USH2A: variants seen among roughly 807,000 people sequenced by gnomAD.
USH2A encodes the protein usherin, also known as Usher syndrome 2A (autosomal recessive, mild).
In USH2A, 443 loss-of-function variants were observed where a neutral mutation model predicts 538.9. The observed-to-expected ratio is 0.82, with a 90% CI of 0.76 to 0.89. The LOEUF (loss-of-function observed/expected upper bound fraction) is 0.89. Among genes scored for constraint, USH2A ranks in the 40% least tolerant of loss-of-function variants. The pLI, the probability that USH2A is intolerant of heterozygous loss-of-function variation, is 0.00. For synonymous variants in USH2A, 2,413 were observed against 2,273.5 expected (o/e 1.06, Z -1.75); for missense variants, 6,633 against 6,324.8 (o/e 1.05, Z -1.65).
intron 21 of USH2A, among the ~76,000 whole-genome samples, chr1:216,125,834 G>T (rs2033240715): frequency 6.6e-6 from 1 of 152,096 alleles, no homozygotes; most frequent in African/African-American, 2.4e-5. Context: ...CAAATAAGGG[G>T]AAGGACTAGT....
Position 216,200,070 on chromosome 1 carries a change from T to C in USH2A, c.3368A>G (p.Tyr1123Cys), listed in dbSNP as rs775177930. 1.1e-5 allele frequency: 17 copies of C among 1,613,334 alleles called. No individual in the cohort carries two copies. The highest frequency in any genetic ancestry group is 3.3e-5 in the Admixed American group (2 of 59,934). ...TDLLPYTKYS[Y>C]YIETTNVHGS... is the part of the protein sequence containing the mutation. Reference sequence around the variant, plus strand: ...ATGCACATTGGTGGTCTCAATGTAATAGGAATATTTGGTATATGGTAACAG... The same window carrying C: ...ATGCACATTGGTGGTCTCAATGTAACAGGAATATTTGGTATATGGTAACAG... The change falls in exon 17 of 72, where the codon TAT (tyrosine) becomes TGT (cysteine). Residue 1123 changes from tyrosine to cysteine, a missense_variant. Physicochemically the swap from Tyr to Cys is radical, Grantham distance 194. Coordinates refer to ENST00000307340, the MANE Select transcript of USH2A (RefSeq NM_206933.4).
Position 216,225,673 on chromosome 1 carries a change from A to G in USH2A, c.2993+6280T>C, listed in dbSNP as rs967781762. 3.3e-5 allele frequency among the ~76,000 whole-genome samples: 5 copies of G among 152,312 alleles called. No individual in the cohort carries two copies. In the South Asian group the frequency reaches 8.3e-4, roughly 25 times the overall value. ...AACAGAGCCAATTCTGCCAAACCTG[A>G]GAAGAATCTAAGCCCCACTCAAACT... On this transcript the variant is annotated intron_variant, in intron 14 of 71. Coordinates refer to ENST00000307340, the MANE Select transcript of USH2A (RefSeq NM_206933.4).
chr1:215,864,226 T>C (rs2102437902), intron 44 of USH2A, among the ~76,000 whole-genome samples: 1 of 152,326 alleles, frequency 6.6e-6, no homozygotes, highest in South Asian at 2.1e-4. Context: ...GAAAATTTGA[T>C]GCCTGAGTCC....
intron 64 of USH2A, among the ~76,000 whole-genome samples, chr1:215,660,892 C>A (rs930253377): frequency 6.6e-6 from 1 of 152,190 alleles, no homozygotes; most frequent in Non-Finnish European, 1.5e-5. Flanking sequence ...TACAAATTAC[C>A]ATTTAAGGCA....
chr1:216,203,736 G>A (rs2035049796), intron 16 of USH2A, among the ~76,000 whole-genome samples: 1 of 152,136 alleles, frequency 6.6e-6, no homozygotes, highest in Non-Finnish European at 1.5e-5. Flanking sequence ...ATGAATAAGG[G>A]TAGAAATGAA....
chr1:215,774,891 C>A (rs1243569503), intron 55 of USH2A, among the ~76,000 whole-genome samples: 2 of 151,498 alleles, frequency 1.3e-5, no homozygotes, highest in Non-Finnish European at 1.5e-5. Context: ...GTGGTTGATG[C>A]CACACTTTTT....
intron 47 of USH2A, among the ~76,000 whole-genome samples, chr1:215,826,831 C>G (rs942690326): frequency 2.0e-5 from 3 of 151,976 alleles, no homozygotes; most frequent in Non-Finnish European, 4.4e-5. Flanking sequence ...AAACATGAAC[C>G]AGGGTGGTAG....
intron 21 of USH2A, among the ~76,000 whole-genome samples, chr1:216,117,590 A>C (rs2033037599): frequency 6.6e-6 from 1 of 152,138 alleles, no homozygotes; most frequent in South Asian, 2.1e-4. Context: ...ATTCAATAGA[A>C]GTAAAAACTG....
rs999463372 is a variant in USH2A, at chr1:215,990,685, G to T, written c.6805+2335C>A. Among the ~76,000 whole-genome samples the T allele has an allele frequency of 6.6e-5, 10 of 151,762 alleles. 1 individual carries two copies. The highest frequency in any genetic ancestry group is 1.9e-4 in the East Asian group (1 of 5,160). On this transcript the variant is annotated intron_variant, in intron 35 of 71. Transcript: ENST00000307340. ...GATTTCATGGAATAAGAGGCCTACG[G>T]TTAGCCTAGAAGAATGAGTTGTATT... is the stretch of plus-strand genomic sequence containing the variant.
At chr1:215,737,238 T>C (rs1214753149) in intron 60 of USH2A, among the ~76,000 whole-genome samples, 3 of 151,852 alleles carry the variant, frequency 2.0e-5, no homozygotes, top group Admixed American at 6.6e-5. Context: ...AAAATACAAA[T>C]AGAAAACATT....
intron 64 of USH2A, among the ~76,000 whole-genome samples, chr1:215,658,719 G>A (rs957826971): frequency 2.0e-5 from 3 of 152,180 alleles, no homozygotes; most frequent in Non-Finnish European, 4.4e-5. Flanking sequence ...CATCTCTCGT[G>A]CCACTTATCA....
chr1:216,346,181 G>T (rs181930258), intron 4 of USH2A, among the ~76,000 whole-genome samples: 1 of 152,054 alleles, frequency 6.6e-6, no homozygotes, highest in Non-Finnish European at 1.5e-5. Flanking sequence ...TGACAGTTTC[G>T]CCTGGCTAAA....
intron 3 of USH2A, among the ~76,000 whole-genome samples, chr1:216,369,588 T>G (rs2038662657): frequency 6.6e-6 from 1 of 152,122 alleles, no homozygotes. Flanking sequence ...CCACCTACTT[T>G]GGCATTACAA....
chr1:216,360,973 A>T (rs201388819), intron 4 of USH2A, among the ~76,000 whole-genome samples: 2 of 152,092 alleles, frequency 1.3e-5, no homozygotes, highest in East Asian at 3.9e-4. Flanking sequence ...AAAAGAAAAA[A>T]AGTTGGAGAA....
intron 21 of USH2A, among the ~76,000 whole-genome samples, chr1:216,170,100 C>T (rs116141935): frequency 0.016 from 2,364 of 152,076 alleles, 67 homozygotes; most frequent in African/African-American, 0.054. Context: ...TGCACCTTCA[C>T]TATAAATGCT....
chr1:216,236,623 GA>G (rs2035823163), intron 13 of USH2A, among the ~76,000 whole-genome samples: 1 of 152,114 alleles, frequency 6.6e-6, no homozygotes, highest in African/African-American at 2.4e-5. Context: ...CACTGAAAAG[GA>G]AAATGGTAAA....
chr1:216,064,912 G>A (rs1379618690), intron 30 of USH2A, among the ~76,000 whole-genome samples: 1 of 152,092 alleles, frequency 6.6e-6, no homozygotes, highest in Non-Finnish European at 1.5e-5. Flanking sequence ...ATGCATGACT[G>A]TACCTAAAGC....
chr1:216,151,667 G>A (rs1036666560), intron 21 of USH2A, among the ~76,000 whole-genome samples: 20 of 152,180 alleles, frequency 1.3e-4, no homozygotes, highest in Middle Eastern at 3.4e-3. Flanking sequence ...CAAAACCGCC[G>A]AGGCCTTGAC....
At chr1:216,389,297 CCTT>C (rs2039059177) in intron 3 of USH2A, among the ~76,000 whole-genome samples, 1 of 152,068 alleles carries the variant, frequency 6.6e-6, no homozygotes, top group Non-Finnish European at 1.5e-5. Context: ...TTAAAAATCT[CCTT>C]GTGTTTTAAA....
Sources: gnomAD v4.1 joint callset for allele counts (sites outside exome capture counted in the v4.1 genomes callset) on GRCh38, gnomAD v4.1.1 for gene constraint, MANE v1.5 for transcripts, NCBI Gene and HGNC (gene_info 2026-07-23, HGNC 2026-07-21) for gene names.